The following NOP58 variants were observed in gnomAD, a reference collection of about 807,000 sequenced individuals.
The protein encoded by NOP58 is NOP58 ribonucleoprotein, also known as nucleolar protein 58.
NOP58 carries 44 observed loss-of-function variants against 71.2 expected under a neutral mutation model. That is an observed-to-expected ratio of 0.62 (90% confidence interval 0.49 to 0.79). NOP58 has a LOEUF of 0.79. Ranked by LOEUF, NOP58 falls within the 30% of genes least tolerant of loss-of-function variation. The probability of loss-of-function intolerance (pLI) is 0.00; values close to 1 mark genes in which losing one functional copy is unlikely to be tolerated. For synonymous variants in NOP58, 228 were observed against 200.3 expected (o/e 1.14, Z -1.17); for missense variants, 538 against 620.2 (o/e 0.87, Z 1.41).
intron 1 of NOP58, among the ~76,000 whole-genome samples, chr2:202,274,661 C>T (rs1377684566): frequency 6.6e-6 from 1 of 151,998 alleles, no homozygotes; most frequent in Non-Finnish European, 1.5e-5. Flanking sequence ...ACTCAGGAGG[C>T]CGAGGCACTA....
At chr2:202,283,787 C>T (rs78928733) in intron 4 of NOP58, among the ~76,000 whole-genome samples, 15,513 of 152,020 alleles carry the variant, frequency 0.1, 966 homozygotes, top group South Asian at 0.24. Context: ...TAAAAGATCT[C>T]CTTAAACCAA....
intron 9 of NOP58, among the ~76,000 whole-genome samples, chr2:202,295,251 A>G (rs1688971548): frequency 1.3e-5 from 2 of 152,240 alleles, no homozygotes; most frequent in African/African-American, 2.4e-5. Context: ...TTGTAGGAAT[A>G]TCTCTTCCTA....
At chr2:202,289,264 T>TA (rs1337693979) in intron 6 of NOP58, among the ~76,000 whole-genome samples, 3 of 152,242 alleles carry the variant, frequency 2.0e-5, no homozygotes, top group Non-Finnish European at 2.9e-5. Flanking sequence ...ACAACCCAGA[T>TA]ACCTTTTAAC....
At chr2:202,276,660 G>A (rs534686261) in intron 2 of NOP58, 1 of 298,062 alleles carries the variant, frequency 3.4e-6, no homozygotes, top group Non-Finnish European at 6.9e-6. Flanking sequence ...GGCAATATAG[G>A]AAAACCCCAT....
chr2:202,287,942 C>T (rs1688820854), intron 6 of NOP58, among the ~76,000 whole-genome samples: 1 of 151,912 alleles, frequency 6.6e-6, no homozygotes, highest in Admixed American at 6.6e-5. Context: ...AAAACTCTGT[C>T]TTTACTAAAA....
intron 13 of NOP58, among the ~76,000 whole-genome samples, chr2:202,302,120 C>T (rs1689105355): frequency 1.5e-5 from 2 of 134,494 alleles, no homozygotes; most frequent in African/African-American, 2.8e-5. Context: ...CAGAGTCTCC[C>T]TCTGTCGCCC....
At chr2:202,285,030 T>A (rs1688766110) in intron 5 of NOP58, among the ~76,000 whole-genome samples, 1 of 152,016 alleles carries the variant, frequency 6.6e-6, no homozygotes, top group Non-Finnish European at 1.5e-5. Context: ...TGTGTTTTTT[T>A]GTTTGTTTTG....
At chr2:202,290,616 CAA>C (rs773280318) in intron 7 of NOP58, among the ~76,000 whole-genome samples, 159 bp downstream of exon 7, 24 of 152,164 alleles carry the variant, frequency 1.6e-4, no homozygotes, top group Non-Finnish European at 2.6e-4. Context: ...ATTTAAGAAA[CAA>C]AATGAATTTT....
chr2:202,269,079 T>C (rs1488526247), intron 1 of NOP58, among the ~76,000 whole-genome samples: 1 of 151,998 alleles, frequency 6.6e-6, no homozygotes, highest in Admixed American at 6.6e-5. Flanking sequence ...AGCCTTGGCC[T>C]CCTGGGTCAA....
At chr2:202,288,473 T>A (rs2105848711) in intron 6 of NOP58, among the ~76,000 whole-genome samples, 2 of 133,536 alleles carry the variant, frequency 1.5e-5, no homozygotes, top group African/African-American at 2.9e-5. Context: ...CAAGAGCAAA[T>A]CTCCATCTCA....
At chr2:202,273,581 T>C (rs960046910) in intron 1 of NOP58, among the ~76,000 whole-genome samples, 1 of 152,246 alleles carries the variant, frequency 6.6e-6, no homozygotes, top group African/African-American at 2.4e-5. Context: ...AAAACAAGTC[T>C]TTATATTTTA....
At chr2:202,280,943 G>C (rs560375465) in intron 3 of NOP58, among the ~76,000 whole-genome samples, 1 of 151,376 alleles carries the variant, frequency 6.6e-6, no homozygotes, top group Non-Finnish European at 1.5e-5. Flanking sequence ...TAGGATGGTC[G>C]CATCTCCTGA....
chr2:202,273,385 C>T (rs1688541091), intron 1 of NOP58, among the ~76,000 whole-genome samples: 1 of 152,134 alleles, frequency 6.6e-6, no homozygotes, highest in South Asian at 2.1e-4. Context: ...TTACATTTGT[C>T]TCAAAGTTTT....
chr2:202,295,616 G>A, intron 9 of NOP58, 58 bp from the exon 10 acceptor site: 2 of 1,256,528 alleles, frequency 1.6e-6, no homozygotes, highest in Non-Finnish European at 2.2e-6. Flanking sequence ...TTTTGTTTCA[G>A]TACGTGGAAC....
intron 1 of NOP58, among the ~76,000 whole-genome samples, chr2:202,274,400 ATT>A (rs1173477305): frequency 4.1e-4 from 43 of 104,670 alleles, no homozygotes; most frequent in African/African-American, 1.2e-3. Flanking sequence ...CTAATTTTGT[ATT>A]TTTTTTTTTT....
intron 3 of NOP58, among the ~76,000 whole-genome samples, chr2:202,280,125 A>G (rs1688675921): frequency 6.6e-6 from 1 of 152,160 alleles, no homozygotes; most frequent in African/African-American, 2.4e-5. Context: ...CTCACTGCCT[A>G]TTATAAGGCA....
intron 1 of NOP58, among the ~76,000 whole-genome samples, chr2:202,272,388 T>C (rs535068163): frequency 4.7e-4 from 72 of 152,086 alleles, no homozygotes; most frequent in African/African-American, 1.7e-3. Flanking sequence ...TCTCCTGACC[T>C]CGTGATTCGC....
rs141407789 is a variant in NOP58, at chr2:202,297,409, T to C, written c.1102T>C (p.Leu368=). ...TCGAATGCTGGCAGCCAAAACCGTT[T>C]TGGCTATCCGTTATGATGCTTTTGG... The part of the protein sequence containing the change: ...ISRMLAAKTV[L]AIRYDAFGED... Residue 368 remains leucine (L), a synonymous_variant, in exon 11 of 15, where the codon TTG becomes CTG. Coordinates refer to ENST00000264279, the MANE Select transcript of NOP58 (RefSeq NM_015934.5). 4,921 of 1,613,898 alleles carry C rather than the reference T, an allele frequency of 3.0e-3. 98 individuals are homozygous for C. The Admixed American group carries it at 0.049, about 16-fold the overall frequency.
intron 12 of NOP58, among the ~76,000 whole-genome samples, chr2:202,299,193 C>T (rs1473020556): frequency 6.6e-6 from 1 of 151,934 alleles, no homozygotes; most frequent in Non-Finnish European, 1.5e-5. Context: ...CTCCTGACCT[C>T]GTGATCCGCC....
Sources: gnomAD v4.1 joint callset for allele counts (sites outside exome capture counted in the v4.1 genomes callset) on GRCh38, gnomAD v4.1.1 for gene constraint, MANE v1.5 for transcripts, NCBI Gene and HGNC (gene_info 2026-07-23, HGNC 2026-07-21) for gene names.